The following SLC2A9 variants were observed in gnomAD, a reference collection of about 807,000 sequenced individuals.
The protein encoded by SLC2A9 is solute carrier family 2, facilitated glucose transporter member 9.
A neutral mutation model predicts 50.6 loss-of-function variants in SLC2A9; 39 were observed. The observed-to-expected ratio is 0.77, with a 90% CI of 0.60 to 1.01. SLC2A9 has a LOEUF of 1.01. Among genes scored for constraint, SLC2A9 ranks in the 50% least tolerant of loss-of-function variants. SLC2A9 has a pLI of 0.00. For synonymous variants in SLC2A9, 324 were observed against 276.9 expected (o/e 1.17, Z -1.69); for missense variants, 686 against 677.6 (o/e 1.01, Z -0.14).
At chr4:9,798,829 C>T (rs1284533286), downstream of SLC2A9, 1 of 152,158 alleles carries the variant, frequency 6.6e-6, no homozygotes, top group African/African-American at 2.4e-5. Flanking sequence ...GAGCTACTTG[C>T]TTAGTGTCTC....
intron 8 of SLC2A9, among the ~76,000 whole-genome samples, chr4:9,892,662 C>G (rs942316665): frequency 6.6e-6 from 1 of 152,188 alleles, no homozygotes; most frequent in East Asian, 1.9e-4. Flanking sequence ...AGCGAAAGAA[C>G]TCACAATGCC....
At chr4:10,015,115 C>A (rs775578546) in intron 2 of SLC2A9, among the ~76,000 whole-genome samples, 1 of 152,204 alleles carries the variant, frequency 6.6e-6, no homozygotes, top group Non-Finnish European at 1.5e-5. Context: ...CAGCATCATC[C>A]ACCTTATGCT....
intron 1 of SLC2A9, among the ~76,000 whole-genome samples, chr4:10,020,431 G>T (rs887683348): frequency 6.6e-6 from 1 of 152,146 alleles, no homozygotes; most frequent in Non-Finnish European, 1.5e-5. Flanking sequence ...TGCAGAGGAG[G>T]TGCTCCGTAG....
chr4:9,959,808 G>T (rs762496648), intron 5 of SLC2A9, among the ~76,000 whole-genome samples: 68 of 152,174 alleles, frequency 4.5e-4, no homozygotes, highest in Admixed American at 1.9e-3. Flanking sequence ...ACACTCTCAG[G>T]CTCCATTTGC....
intron 10 of SLC2A9, among the ~76,000 whole-genome samples, chr4:9,841,488 C>A (rs1728077063): frequency 6.6e-6 from 1 of 152,138 alleles, no homozygotes; most frequent in Non-Finnish European, 1.5e-5. Context: ...TCCAGATTGC[C>A]ACCTGCTGTG....
intron 3 of SLC2A9, among the ~76,000 whole-genome samples, chr4:9,814,013 G>A (rs1382580592): frequency 6.6e-6 from 1 of 152,214 alleles, no homozygotes; most frequent in African/African-American, 2.4e-5. Context: ...GGTGGCACAT[G>A]CCTGTAATCT....
At chr4:9,830,847 G>A (rs1453634490) in intron 11 of SLC2A9, among the ~76,000 whole-genome samples, 2 of 152,196 alleles carry the variant, frequency 1.3e-5, no homozygotes, top group Admixed American at 6.5e-5. Flanking sequence ...GCCAGAGTGT[G>A]GAGGTGAGCA....
chr4:9,898,776 T>G (rs1048005046), intron 8 of SLC2A9, among the ~76,000 whole-genome samples: 1 of 152,244 alleles, frequency 6.6e-6, no homozygotes, highest in Non-Finnish European at 1.5e-5. Context: ...CCCTGTTGGT[T>G]GGGCTCTGCC....
chr4:9,841,936 C>T (rs1019316199), intron 10 of SLC2A9, among the ~76,000 whole-genome samples: 2 of 152,168 alleles, frequency 1.3e-5, no homozygotes, highest in Non-Finnish European at 2.9e-5. Flanking sequence ...AAGGTGGTAG[C>T]AAGAGTTCTT....
At chr4:9,923,866 G>A (rs939736065) in intron 6 of SLC2A9, 1 of 152,334 alleles carries the variant, frequency 6.6e-6, no homozygotes, top group Non-Finnish European at 1.5e-5. Flanking sequence ...CCTCAATCTG[G>A]AATGTTCTTT....
intron 3 of SLC2A9, among the ~76,000 whole-genome samples, chr4:9,801,571 G>A (rs1027237923): frequency 3.9e-5 from 6 of 152,192 alleles, no homozygotes; most frequent in Non-Finnish European, 7.3e-5. Context: ...CCCCATCGTT[G>A]AGGGTGGTTC....
chr4:9,779,652 G>A (rs189311886), downstream of SLC2A9, among the ~76,000 whole-genome samples: 6 of 151,958 alleles, frequency 3.9e-5, no homozygotes, highest in African/African-American at 1.2e-4. Context: ...CTGACCTCAC[G>A]ATCCACCCAC....
At chr4:9,788,596 T>A (rs144876877) in intron 3 of SLC2A9, among the ~76,000 whole-genome samples, 2,674 of 152,282 alleles carry the variant, frequency 0.018, 86 homozygotes, top group Admixed American at 0.074. Context: ...TGTGTCCCAT[T>A]TCTAAGATAT....
chr4:9,812,549 C>T (rs1723029119), intron 3 of SLC2A9, among the ~76,000 whole-genome samples: 1 of 151,642 alleles, frequency 6.6e-6, no homozygotes, highest in Non-Finnish European at 1.5e-5. Flanking sequence ...AACATACCTG[C>T]TCTCATCACT....
intron 10 of SLC2A9, among the ~76,000 whole-genome samples, chr4:9,876,079 G>T (rs958214901): frequency 6.6e-6 from 1 of 152,236 alleles, no homozygotes; most frequent in African/African-American, 2.4e-5. Flanking sequence ...GAGGTGGCAA[G>T]AAGTCTTAAA....
chr4:9,781,820 C>G (rs1718431260), intron 3 of SLC2A9: 1 of 441,870 alleles, frequency 2.3e-6, no homozygotes, highest in Non-Finnish European at 3.9e-6. Context: ...TGGAGGGGCG[C>G]ACCACGGCCA....
At chr4:10,029,551 T>TTTTAA (rs1266691478) in intron 1 of SLC2A9, among the ~76,000 whole-genome samples, 3 of 109,838 alleles carry the variant, frequency 2.7e-5, no homozygotes, top group African/African-American at 1.3e-4. Flanking sequence ...TTTTTAAATA[T>TTTTAA]TTTATTTTAT....
At chr4:9,835,057 T>C (rs1438830046) in intron 10 of SLC2A9, 49 bp from the exon 11 acceptor site, 3 of 1,611,810 alleles carry the variant, frequency 1.9e-6, no homozygotes, top group Non-Finnish European at 2.5e-6. Context: ...GAGAAGGTCA[T>C]GCCTCCAGCA....
At chr4:10,025,534 G>A (rs1763720966), upstream of SLC2A9, among the ~76,000 whole-genome samples, 1 of 152,180 alleles carries the variant, frequency 6.6e-6, no homozygotes, top group African/African-American at 2.4e-5. Context: ...CTGGAGGAAG[G>A]GGCAGGTCGA....
Sources: allele counts gnomAD v4.1 joint callset (sites outside exome capture counted in the v4.1 genomes callset), GRCh38; gene constraint gnomAD v4.1.1; transcripts MANE v1.5; gene names NCBI Gene and HGNC (gene_info 2026-07-23, HGNC 2026-07-21).